The following COG5 variants were observed in gnomAD, a reference collection of about 807,000 sequenced individuals.
COG5 encodes component of oligomeric golgi complex 5, also known as conserved oligomeric Golgi complex subunit 5.
A neutral mutation model predicts 110.4 loss-of-function variants in COG5; 86 were observed. The ratio of observed to expected loss-of-function variants is 0.78; its 90% confidence interval spans 0.65 to 0.93. The LOEUF (loss-of-function observed/expected upper bound fraction) is 0.93. Ranked by LOEUF, COG5 falls within the 40% of genes least tolerant of loss-of-function variation. COG5 has a pLI of 0.00. For synonymous variants in COG5, 360 were observed against 334.6 expected (o/e 1.08, Z -0.83); for missense variants, 1,077 against 987.0 (o/e 1.09, Z -1.22).
At chr7:107,394,382 T>G (rs904620438) in intron 7 of COG5, among the ~76,000 whole-genome samples, 3 of 152,156 alleles carry the variant, frequency 2.0e-5, no homozygotes, top group African/African-American at 7.2e-5. Flanking sequence ...ATATTTCCCC[T>G]GCTTTAGAAA....
chr7:107,557,944 T>A, intron 2 of COG5, 32 bp downstream of exon 2: 4 of 1,612,782 alleles, frequency 2.5e-6, no homozygotes, highest in Non-Finnish European at 3.4e-6. Flanking sequence ...TTAGGCTGAA[T>A]AATCCATAGG....
chr7:107,419,847 C>G (rs1424894639), intron 6 of COG5, among the ~76,000 whole-genome samples: 2 of 152,100 alleles, frequency 1.3e-5, no homozygotes, highest in African/African-American at 4.8e-5. Context: ...GGATTACAGG[C>G]GTGAGCCACT....
rs375837857 is a variant in COG5, at chr7:107,474,872, T to A, written c.538+52365A>T. The A allele has an allele frequency of 1.2e-6, 2 of 1,613,232 alleles. No individual in the cohort carries two copies. Among genetic ancestry groups the A allele is most frequent in the Non-Finnish European group, 1.7e-6 (2 of 1,179,508 alleles). On this transcript the variant is annotated intron_variant, in intron 6 of 21. Coordinates refer to ENST00000297135, the MANE Select transcript of COG5 (RefSeq NM_006348.5). The surrounding 1 kb of genome is among the most constrained non-coding windows in gnomAD (Gnocchi z 5.7). ...ACCACACAACATGAGGCTACAGACA[T>A]GTCACAAAGCAGTGGTGGGAGAAAT...
chr7:107,543,961 C>A (rs562482142), intron 5 of COG5, among the ~76,000 whole-genome samples: 3 of 152,046 alleles, frequency 2.0e-5, no homozygotes, highest in Non-Finnish European at 2.9e-5. Flanking sequence ...TGACTCACAC[C>A]TGCCTCAGTG....
intron 11 of COG5, among the ~76,000 whole-genome samples, chr7:107,318,717 G>A (rs556460747): frequency 4.6e-5 from 7 of 151,972 alleles, no homozygotes; most frequent in East Asian, 1.9e-4. Context: ...AAGCTCTCTC[G>A]CGTCACTTCT....
intron 16 of COG5, among the ~76,000 whole-genome samples, chr7:107,251,308 G>C (rs1272377680): frequency 6.6e-6 from 1 of 152,078 alleles, no homozygotes; most frequent in Non-Finnish European, 1.5e-5. Flanking sequence ...AAAGATGAAA[G>C]TGAAATACAT....
At chr7:107,281,426 A>G (rs1456420270) in intron 13 of COG5, 27 bp from the exon 14 acceptor site, 2 of 1,485,600 alleles carry the variant, frequency 1.3e-6, no homozygotes, top group Non-Finnish European at 1.9e-6. Flanking sequence ...CAGTTTTTAA[A>G]TATTAGCAAC....
intron 10 of COG5, among the ~76,000 whole-genome samples, chr7:107,357,499 T>A (rs556620396): frequency 6.6e-6 from 1 of 152,290 alleles, no homozygotes; most frequent in South Asian, 2.1e-4. Context: ...TAGGAATATA[T>A]TCTTAAATAG....
chr7:107,536,782 C>CA (rs1262847258), intron 5 of COG5, among the ~76,000 whole-genome samples: 1 of 151,978 alleles, frequency 6.6e-6, no homozygotes, highest in Non-Finnish European at 1.5e-5. Context: ...CATATGGAAC[C>CA]AAAAAAGAGC....
At chr7:107,212,884 G>C (rs1028614450) in intron 19 of COG5, among the ~76,000 whole-genome samples, 1 of 152,170 alleles carries the variant, frequency 6.6e-6, no homozygotes, top group African/African-American at 2.4e-5. Context: ...AGAGCCACAG[G>C]GGGGATTCTC....
At chr7:107,437,115 T>C (rs956007891) in intron 6 of COG5, among the ~76,000 whole-genome samples, 4 of 152,302 alleles carry the variant, frequency 2.6e-5, no homozygotes, top group African/African-American at 9.6e-5. Flanking sequence ...ATTCATTAAA[T>C]TGGGATCTCC....
intron 11 of COG5, among the ~76,000 whole-genome samples, chr7:107,302,185 A>AATACT (rs1322947768): frequency 3.9e-5 from 6 of 152,220 alleles, no homozygotes; most frequent in Non-Finnish European, 8.8e-5. Context: ...CATGCAATGG[A>AATACT]ATACTATGCA....
chr7:107,419,831 G>A (rs1280270008), intron 6 of COG5, among the ~76,000 whole-genome samples: 1 of 152,170 alleles, frequency 6.6e-6, no homozygotes, highest in Non-Finnish European at 1.5e-5. Context: ...GCCTCCCAAA[G>A]TGCTGGGATT....
At chr7:107,316,833 G>GA (rs556569000) in intron 11 of COG5, among the ~76,000 whole-genome samples, 2,176 of 148,652 alleles carry the variant, frequency 0.015, 47 homozygotes, top group African/African-American at 0.052. Flanking sequence ...TCTGTCTCAG[G>GA]AAAAAAAAAG....
At position 107,241,410 on chromosome 7, in the gene COG5, C is replaced by A. The variant is rs12056125; in HGVS notation, c.1854-4723G>T. ...CTGTGCTTCATATATATATATATAT[C>A]TATATCCATCTATCTATCTATATAT... On this transcript the variant is annotated intron_variant, in intron 17 of 21. Transcript: ENST00000297135. 1.0e-3 allele frequency among the ~76,000 whole-genome samples: 144 copies of A among 143,592 alleles called. 1 individual carries two copies. In the East Asian group the frequency reaches 0.019, roughly 19 times the overall value. 94.2% of individuals were successfully genotyped at this position (143,592 alleles called of 152,430 possible).
intron 6 of COG5, among the ~76,000 whole-genome samples, chr7:107,489,558 T>C (rs1797860434): frequency 6.6e-6 from 1 of 151,810 alleles, no homozygotes; most frequent in Non-Finnish European, 1.5e-5. Flanking sequence ...AAAATAAAAG[T>C]GAAAGTCCAA....
intron 6 of COG5, chr7:107,472,962 T>C (rs1244044267): frequency 1.3e-5 from 2 of 152,042 alleles, no homozygotes; most frequent in South Asian, 4.1e-4. Flanking sequence ...TTTTACAAAT[T>C]ATTCTAAACC....
intron 14 of COG5, among the ~76,000 whole-genome samples, chr7:107,264,003 A>AT (rs1217075987): frequency 1.3e-5 from 2 of 152,230 alleles, no homozygotes; most frequent in Non-Finnish European, 2.9e-5. Flanking sequence ...GTGGGGAGTT[A>AT]TAAAGTTGAT....
chr7:107,415,084 G>A (rs1320159601), intron 6 of COG5, among the ~76,000 whole-genome samples: 5 of 152,034 alleles, frequency 3.3e-5, no homozygotes, highest in Admixed American at 2.0e-4. Flanking sequence ...AAAAAGGAAA[G>A]TACAACTACA....
Sources: allele counts gnomAD v4.1 joint callset (sites outside exome capture counted in the v4.1 genomes callset), GRCh38; gene constraint gnomAD v4.1.1; non-coding constraint Gnocchi (gnomAD v3.1); transcripts MANE v1.5; gene names NCBI Gene and HGNC (gene_info 2026-07-23, HGNC 2026-07-21).